Variants in INTS4 observed in about 807,000 individuals in gnomAD.
INTS4 encodes the protein integrator complex subunit 4.
In INTS4, 70 loss-of-function variants were observed where a neutral mutation model predicts 119.5. The ratio of observed to expected loss-of-function variants is 0.59; its 90% CI spans 0.48 to 0.71. The LOEUF (loss-of-function observed/expected upper bound fraction) is 0.71. INTS4 is among the 30% of genes least tolerant of loss of function. INTS4 has a pLI of 0.00. For missense variants in INTS4, 867 were observed against 1,173.2 expected (o/e 0.74, Z 3.81); for synonymous variants, 316 against 419.6 (o/e 0.75, Z 3.02).
intron 22 of INTS4, among the ~76,000 whole-genome samples, chr11:77,882,054 G>C (rs1244067164): frequency 6.6e-6 from 1 of 152,004 alleles, no homozygotes; most frequent in African/African-American, 2.4e-5. Flanking sequence ...TGGGACTACA[G>C]GCACATGCCA....
rs1565217722 is a variant in INTS4, at chr11:77,878,735, C to G, written c.*214G>C. 1 of 695,536 alleles carries G rather than the reference C, an allele frequency of 1.4e-6. No homozygotes were observed. 43.1% of individuals were successfully genotyped at this position (695,536 alleles called of 1,614,324 possible). ...CTAGAACAGCTTGGTGTTTTCTCAA[C>G]TTTATTGTGGACAGGAGAAGGGTAA... On this transcript the variant is annotated 3_prime_UTR_variant, in exon 23 of 23. Coordinates refer to ENST00000534064, the MANE Select transcript of INTS4 (RefSeq NM_033547.4).
In INTS4 at chr11:77,887,494, C is replaced by A. The variant is rs899609424; in HGVS notation, c.2593-3542G>T. Among the ~76,000 whole-genome samples, 3 of 152,082 alleles carry A rather than the reference C, an allele frequency of 2.0e-5. No homozygotes were observed. In the East Asian group the frequency reaches 5.8e-4, roughly 29 times the overall value. ...TGAATGGGCAAAAACTGGAAGCATT[C>A]CCTTTGAAAACTGGCACAAGACAGG... On this transcript the variant is annotated intron_variant, in intron 21 of 22. Coordinates refer to ENST00000534064, the MANE Select transcript of INTS4 (RefSeq NM_033547.4).
intron 18 of INTS4, among the ~76,000 whole-genome samples, chr11:77,895,774 T>C (rs1197483598): frequency 6.6e-6 from 1 of 151,978 alleles, no homozygotes; most frequent in Non-Finnish European, 1.5e-5. Flanking sequence ...CTCCAGGAAG[T>C]AAAATACAAA....
At chr11:77,943,440 T>C (rs890245120) in intron 8 of INTS4, among the ~76,000 whole-genome samples, 11 of 152,072 alleles carry the variant, frequency 7.2e-5, no homozygotes, top group African/African-American at 2.2e-4. Flanking sequence ...CTGATATGAG[T>C]TGTGACTCAA....
chr11:77,966,435 G>T (rs555261526), intron 4 of INTS4, among the ~76,000 whole-genome samples: 151 of 152,186 alleles, frequency 9.9e-4, no homozygotes, highest in African/African-American at 3.5e-3. Flanking sequence ...GTTTCAGGTC[G>T]TATGTTTTAA....
intron 22 of INTS4, among the ~76,000 whole-genome samples, chr11:77,881,122 A>G (rs1951776893): frequency 6.6e-6 from 1 of 152,218 alleles, no homozygotes; most frequent in Admixed American, 6.5e-5. Context: ...ACTTGGGAGA[A>G]GGAGACAAGA....
At chr11:77,974,129 A>T (rs901445769) in intron 4 of INTS4, among the ~76,000 whole-genome samples, 1 of 151,228 alleles carries the variant, frequency 6.6e-6, no homozygotes, top group Non-Finnish European at 1.5e-5. Context: ...CTTGTCATAG[A>T]TCTATTCAGA....
At chr11:77,910,036 A>G (rs2511458) in intron 15 of INTS4, among the ~76,000 whole-genome samples, 57,845 of 150,926 alleles carry the variant, frequency 0.38, 11,183 homozygotes, top group African/African-American at 0.43. Context: ...TCAGTGTGGC[A>G]ATTCCTCAGG....
intron 10 of INTS4, among the ~76,000 whole-genome samples, chr11:77,936,379 C>T (rs1214341204): frequency 6.6e-6 from 1 of 152,104 alleles, no homozygotes; most frequent in Non-Finnish European, 1.5e-5. Flanking sequence ...TAAAAAGACC[C>T]AAATTCTTTC....
chr11:77,892,478 C>T (rs1253761366), intron 19 of INTS4, among the ~76,000 whole-genome samples: 2 of 152,168 alleles, frequency 1.3e-5, no homozygotes, highest in Non-Finnish European at 2.9e-5. Flanking sequence ...CTCTCATCTT[C>T]CCAAAAATCT....
chr11:77,904,385 A>G (rs942092372), intron 16 of INTS4, among the ~76,000 whole-genome samples: 12 of 152,262 alleles, frequency 7.9e-5, no homozygotes, highest in African/African-American at 2.9e-4. Flanking sequence ...TTTAAGATAC[A>G]AAGACTAAGT....
chr11:77,901,366 T>G, intron 18 of INTS4, 55 bp downstream of exon 18: 1 of 1,584,918 alleles, frequency 6.3e-7, no homozygotes, highest in Non-Finnish European at 8.7e-7. Flanking sequence ...CTGAATGCAT[T>G]TGAAGTATCT....
At chr11:77,879,684 A>G (rs1951719326) in intron 22 of INTS4, among the ~76,000 whole-genome samples, 1 of 152,222 alleles carries the variant, frequency 6.6e-6, no homozygotes. Flanking sequence ...ATCTTACGAT[A>G]TAATCATCTA....
intron 8 of INTS4, among the ~76,000 whole-genome samples, chr11:77,948,520 T>C (rs1407868287): frequency 1.3e-5 from 2 of 151,872 alleles, no homozygotes; most frequent in Non-Finnish European, 2.9e-5. Context: ...TGGTGGCACA[T>C]GCCTGTAATC....
intron 18 of INTS4, among the ~76,000 whole-genome samples, chr11:77,897,730 C>T (rs1204709031): frequency 6.6e-6 from 1 of 151,798 alleles, no homozygotes; most frequent in African/African-American, 2.4e-5. Flanking sequence ...TGGTCTCAAT[C>T]TCCTGACCTC....
chr11:77,970,399 GA>G (rs960819262), intron 4 of INTS4, among the ~76,000 whole-genome samples: 67 of 149,410 alleles, frequency 4.5e-4, no homozygotes, highest in Non-Finnish European at 3.7e-4. Flanking sequence ...TCCATCTGGG[GA>G]AAAAAAAAAT....
Position 77,894,360 on chromosome 11 carries a change from G to C in INTS4, c.2229-11C>G. On this transcript the variant is annotated splice_polypyrimidine_tract_variant and intron_variant, in intron 18 of 22. Coordinates refer to ENST00000534064, the MANE Select transcript of INTS4 (RefSeq NM_033547.4). ...AATAAGGGGTCAAGTCTGTAGAAAA[G>C]AAATGTAAAATAATTTGCTTGTGAA... 6.7e-7 allele frequency: 1 copy of C among 1,501,134 alleles called. No individual in the cohort carries two copies. 93.0% of individuals were successfully genotyped at this position (1,501,134 alleles called of 1,614,324 possible). A position where few individuals can be genotyped will look rare whatever the true frequency, so the allele number is the denominator to read the frequency against.
intron 8 of INTS4, among the ~76,000 whole-genome samples, chr11:77,951,214 T>G (rs1424189294): frequency 6.6e-6 from 1 of 152,184 alleles, no homozygotes; most frequent in Non-Finnish European, 1.5e-5. Flanking sequence ...AGCAGCGTGA[T>G]TTATAATCCT....
At position 77,903,572 on chromosome 11, in the gene INTS4, G is replaced by A. The variant is rs1236129894; in HGVS notation, c.2065C>T (p.Gln689Ter). 6.2e-7 allele frequency: 1 copy of A among 1,613,926 alleles called. No homozygotes were observed. ...WNVAAPLYLK[Q>*]SDLASAAAKQ... ...GCTGCTGCTGAGGCCAAATCACTCT[G>A]CTTCAAATACAAAGGGGCAGCTACA... Residue 689 changes from glutamine (Q) to a stop codon, truncating the protein, a stop_gained, in exon 17 of 23, where the codon CAG (glutamine) becomes TAG (stop). Transcript: ENST00000534064. LOFTEE classifies it high-confidence loss of function.
Sources: gnomAD v4.1 joint callset for allele counts (sites outside exome capture counted in the v4.1 genomes callset) on GRCh38, gnomAD v4.1.1 for gene constraint, MANE v1.5 for transcripts, NCBI Gene and HGNC (gene_info 2026-07-23, HGNC 2026-07-21) for gene names.